Variants in DPP10 observed in about 807,000 individuals in gnomAD.
DPP10 encodes the protein dipeptidyl peptidase like 10.
A neutral mutation model predicts 120.9 loss-of-function variants in DPP10; 33 were observed. The observed-to-expected ratio is 0.27, with a 90% CI of 0.21 to 0.37. DPP10 has a LOEUF of 0.37. Ranked by LOEUF, DPP10 falls within the 10% of genes least tolerant of loss-of-function variation. The pLI is 1.00. For synonymous variants in DPP10, 337 were observed against 326.1 expected (o/e 1.03, Z -0.36); for missense variants, 816 against 942.8 (o/e 0.87, Z 1.76).
intron 5 of DPP10, among the ~76,000 whole-genome samples, chr2:115,587,807 C>G (rs1363884431): frequency 6.6e-6 from 1 of 152,158 alleles, no homozygotes; most frequent in Non-Finnish European, 1.5e-5. Flanking sequence ...GTCCATTTTT[C>G]TTTCAGCTTG....
chr2:115,331,156 G>A (rs2062705401), intron 2 of DPP10, among the ~76,000 whole-genome samples: 2 of 152,078 alleles, frequency 1.3e-5, no homozygotes, highest in South Asian at 4.2e-4. Context: ...CTTGTAAGTT[G>A]GATTCCTAGG....
chr2:114,698,005 G>T (rs1700168551), intron 1 of DPP10, among the ~76,000 whole-genome samples: 1 of 151,984 alleles, frequency 6.6e-6, no homozygotes, highest in Non-Finnish European at 1.5e-5. Flanking sequence ...TTACATTTCA[G>T]AGATGTATAA....
chr2:115,361,147 C>A (rs1217154899), intron 3 of DPP10, among the ~76,000 whole-genome samples: 2 of 151,986 alleles, frequency 1.3e-5, no homozygotes, highest in Admixed American at 6.6e-5. Context: ...TCTTCCAGAG[C>A]ATGGTATACC....
At chr2:114,521,183 A>G (rs1247395529) in intron 1 of DPP10, among the ~76,000 whole-genome samples, 1 of 152,086 alleles carries the variant, frequency 6.6e-6, no homozygotes, top group Non-Finnish European at 1.5e-5. Context: ...TGCAAAAGAC[A>G]TAAAATTAAT....
rs1316427396 is a variant in DPP10, at chr2:114,834,662, AT to A, written c.60+391825del. Among the ~76,000 whole-genome samples, 121 of 133,012 alleles carry A rather than the reference AT, an allele frequency of 9.1e-4. 8 individuals carry two copies. The highest frequency in any genetic ancestry group is 2.9e-3 in the African/African-American group (93 of 32,114). 87.3% of individuals were successfully genotyped at this position (133,012 alleles called of 152,430 possible). A position where few individuals can be genotyped will look rare whatever the true frequency, so the allele number is the denominator to read the frequency against. The stretch of plus-strand genomic sequence containing the variant: ...CATATCTACACACCTATGTATATAT[AT>A]AGGCCATATCTACACACCTATGTAT... On this transcript the variant is annotated intron_variant, in intron 1 of 25. Coordinates refer to ENST00000410059, the MANE Select transcript of DPP10 (RefSeq NM_020868.6).
intron 1 of DPP10, among the ~76,000 whole-genome samples, chr2:114,523,019 T>C (rs1685202826): frequency 6.6e-6 from 1 of 152,090 alleles, no homozygotes; most frequent in South Asian, 2.1e-4. Flanking sequence ...CCAAACCATA[T>C]TGGGGGTGTC....
At chr2:114,966,366 T>G (rs577607036) in intron 1 of DPP10, among the ~76,000 whole-genome samples, 4 of 152,198 alleles carry the variant, frequency 2.6e-5, no homozygotes, top group African/African-American at 9.6e-5. Flanking sequence ...CAGGGTTACT[T>G]TTTTGCACTC....
intron 3 of DPP10, among the ~76,000 whole-genome samples, chr2:115,436,587 C>G (rs1309409477): frequency 6.6e-6 from 1 of 151,842 alleles, no homozygotes; most frequent in African/African-American, 2.4e-5. Context: ...TAGACATAAT[C>G]AATCAACCAC....
rs1046529447 is a variant in DPP10 at position 114,819,434 on chromosome 2, G to A, written c.60+376596G>A. Among the ~76,000 whole-genome samples the A allele has an allele frequency of 1.2e-4, 19 of 152,060 alleles. No individual in the cohort carries two copies. The East Asian group carries it at 2.3e-3, about 18-fold the overall frequency. ...AAAGCCCTCTAAAGTGCTACATGCT[G>A]TAATTATGAGTCTATGTTATCCCCG... On this transcript the variant is annotated intron_variant, in intron 1 of 25. Transcript: ENST00000410059.
chr2:114,755,297 C>T (rs1348440962), intron 1 of DPP10, among the ~76,000 whole-genome samples: 2 of 152,000 alleles, frequency 1.3e-5, no homozygotes, highest in Non-Finnish European at 2.9e-5. Flanking sequence ...TGTTTTGTTG[C>T]TGTTGTTATT....
At chr2:114,628,035 G>C (rs1432527138) in intron 1 of DPP10, among the ~76,000 whole-genome samples, 1 of 152,046 alleles carries the variant, frequency 6.6e-6, no homozygotes, top group Non-Finnish European at 1.5e-5. Flanking sequence ...ATTTTTTGGA[G>C]ATATAAGGGA....
At chr2:115,244,745 C>T (rs1297043380) in intron 1 of DPP10, among the ~76,000 whole-genome samples, 1 of 150,826 alleles carries the variant, frequency 6.6e-6, no homozygotes, top group African/African-American at 2.5e-5. Flanking sequence ...TTTTTCCAAT[C>T]CACATTCCAA....
intron 1 of DPP10, among the ~76,000 whole-genome samples, chr2:114,509,038 G>A (rs182472195): frequency 1.7e-3 from 258 of 152,022 alleles, no homozygotes; most frequent in African/African-American, 5.8e-3. Flanking sequence ...GAGAGAGAAA[G>A]AGAGAGAGAG....
chr2:115,604,628 A>G (rs539799958), intron 5 of DPP10, among the ~76,000 whole-genome samples: 20 of 152,284 alleles, frequency 1.3e-4, no homozygotes, highest in East Asian at 7.7e-4. Flanking sequence ...CCTAAATCCA[A>G]TTCTTTAGAT....
At chr2:115,219,095 A>G (rs1453851367) in intron 1 of DPP10, among the ~76,000 whole-genome samples, 2 of 152,150 alleles carry the variant, frequency 1.3e-5, no homozygotes, top group African/African-American at 4.8e-5. Flanking sequence ...AATAATAAAC[A>G]GAGGCACAGA....
At chr2:115,568,266 C>T (rs1041944844) in intron 5 of DPP10, among the ~76,000 whole-genome samples, 4 of 151,738 alleles carry the variant, frequency 2.6e-5, no homozygotes, top group Admixed American at 1.3e-4. Context: ...GGGCAGATCA[C>T]GAGGTCAAGA....
chr2:114,797,699 A>C (rs538062637), intron 1 of DPP10, among the ~76,000 whole-genome samples: 10 of 151,968 alleles, frequency 6.6e-5, no homozygotes, highest in African/African-American at 2.4e-4. Context: ...AAATAAATAC[A>C]TAAAATAAAA....
intron 1 of DPP10, among the ~76,000 whole-genome samples, chr2:115,184,767 A>T (rs2054318055): frequency 6.6e-6 from 1 of 152,230 alleles, no homozygotes; most frequent in African/African-American, 2.4e-5. Context: ...TATTGTCGGG[A>T]TCTCTGAACT....
At chr2:114,533,190 C>T (rs1331340352) in intron 1 of DPP10, among the ~76,000 whole-genome samples, 2 of 152,150 alleles carry the variant, frequency 1.3e-5, no homozygotes, top group Non-Finnish European at 2.9e-5. Flanking sequence ...TCTTGGGGTG[C>T]ATTGGTCCAA....
Sources: gnomAD v4.1 joint callset for allele counts (sites outside exome capture counted in the v4.1 genomes callset) on GRCh38, gnomAD v4.1.1 for gene constraint, MANE v1.5 for transcripts, NCBI Gene and HGNC (gene_info 2026-07-23, HGNC 2026-07-21) for gene names.